Variants in SMURF2 observed in about 807,000 individuals in gnomAD.
SMURF2 encodes E3 ubiquitin-protein ligase SMURF2.
In SMURF2, 48 loss-of-function variants were observed where a neutral mutation model predicts 109.6. That is an observed-to-expected ratio of 0.44 (90% CI 0.35 to 0.56). The LOEUF (loss-of-function observed/expected upper bound fraction) is 0.56, where lower values mean the gene tolerates loss of function less well. SMURF2 is among the 20% of genes least tolerant of loss of function. SMURF2 has a pLI of 0.01. For missense variants in SMURF2, 575 were observed against 909.0 expected (o/e 0.63, Z 4.72); for synonymous variants, 288 against 317.1 (o/e 0.91, Z 0.97).
At chr17:64,562,627 C>T (rs895710791) in intron 11 of SMURF2, 144 bp downstream of exon 11, 4 of 707,192 alleles carry the variant, frequency 5.7e-6, no homozygotes, top group African/African-American at 1.8e-5. Context: ...ATCCGCCCAC[C>T]TCAGCCTCCC....
At chr17:64,598,560 C>T in intron 2 of SMURF2, 70 bp from the exon 3 acceptor site, 3 of 1,249,356 alleles carry the variant, frequency 2.4e-6, no homozygotes, top group South Asian at 1.6e-5. Context: ...ACAAGCATTC[C>T]ATTTGCTACA....
chr17:64,574,489 AGTTT>A (rs1303098765), intron 9 of SMURF2, among the ~76,000 whole-genome samples: 1 of 152,248 alleles, frequency 6.6e-6, no homozygotes, highest in Non-Finnish European at 1.5e-5. Flanking sequence ...CTTTAAATAA[AGTTT>A]GTTTTAAAGA....
chr17:64,636,514 A>G (rs1219575824), intron 1 of SMURF2, among the ~76,000 whole-genome samples: 1 of 151,000 alleles, frequency 6.6e-6, no homozygotes, highest in African/African-American at 2.4e-5. Flanking sequence ...GAGGCAGGAG[A>G]ATCGCTTGAA....
At chr17:64,627,396 G>C (rs1383111872) in intron 1 of SMURF2, among the ~76,000 whole-genome samples, 1 of 152,148 alleles carries the variant, frequency 6.6e-6, no homozygotes, top group African/African-American at 2.4e-5. Context: ...GATTACAGGC[G>C]TTAGCCACTG....
chr17:64,584,361 C>CTTTTTTTTTTTT (rs372682588), intron 6 of SMURF2, among the ~76,000 whole-genome samples: 6 of 112,708 alleles, frequency 5.3e-5, no homozygotes, highest in African/African-American at 1.1e-4. Context: ...CTTTTTTTTT[C>CTTTTTTTTTTTT]TTTTTTTTTT....
intron 8 of SMURF2, among the ~76,000 whole-genome samples, chr17:64,580,286 T>G (rs565083613): frequency 4.6e-5 from 7 of 152,186 alleles, no homozygotes; most frequent in Non-Finnish European, 1.0e-4. Flanking sequence ...TGTAATCATT[T>G]TATACAAACA....
At chr17:64,622,092 A>C (rs1281819832) in intron 1 of SMURF2, among the ~76,000 whole-genome samples, 2 of 149,412 alleles carry the variant, frequency 1.3e-5, no homozygotes, top group Admixed American at 6.7e-5. Flanking sequence ...AAAAATAATA[A>C]ATTTAAAAAA....
intron 1 of SMURF2, among the ~76,000 whole-genome samples, chr17:64,624,826 G>A (rs1432942927): frequency 1.3e-5 from 2 of 151,928 alleles, no homozygotes; most frequent in Non-Finnish European, 2.9e-5. Flanking sequence ...ACAGGGGAGG[G>A]GAGGGAAGGA....
At chr17:64,624,864 G>A (rs1251146148) in intron 1 of SMURF2, among the ~76,000 whole-genome samples, 1 of 152,054 alleles carries the variant, frequency 6.6e-6, no homozygotes, top group Non-Finnish European at 1.5e-5. Context: ...AAATAGTATT[G>A]CCTCAATAAA....
chr17:64,658,906 A>G (rs1175507629), intron 1 of SMURF2, among the ~76,000 whole-genome samples: 1 of 152,226 alleles, frequency 6.6e-6, no homozygotes, highest in African/African-American at 2.4e-5. Flanking sequence ...CAATGATCAT[A>G]TGTTAATGTG....
rs1969239547 is a variant in SMURF2, at chr17:64,562,685, C to T, written c.1212+86G>A. On this transcript the variant is annotated intron_variant, in intron 11 of 18. Coordinates refer to ENST00000262435, the MANE Select transcript of SMURF2 (RefSeq NM_022739.4). The stretch of plus-strand genomic sequence containing the variant: ...GAGCCACCGCACCCGGCCAATTTCT[C>T]TCTAATTTAAAATAAGGTTTGTATT... 5.8e-6 allele frequency: 8 copies of T among 1,373,874 alleles called. No individual in the cohort carries two copies. The South Asian group carries it at 9.5e-5, about 16-fold the overall frequency. The allele number at this position is 1,373,874 out of a possible 1,614,324, so 85.1% of individuals were successfully genotyped here. A position where few individuals can be genotyped will look rare whatever the true frequency, so the allele number is the denominator to read the frequency against.
intron 1 of SMURF2, among the ~76,000 whole-genome samples, chr17:64,608,039 A>AATC (rs1568193535): frequency 6.7e-6 from 1 of 149,458 alleles, no homozygotes; most frequent in African/African-American, 2.5e-5. Context: ...ATAAATAAAT[A>AATC]AATAAATCTG....
intron 9 of SMURF2, among the ~76,000 whole-genome samples, chr17:64,575,345 T>C (rs1598278318): frequency 6.6e-6 from 1 of 151,508 alleles, no homozygotes; most frequent in African/African-American, 2.4e-5. Context: ...TAGAGACGGG[T>C]TTTCACCATG....
intron 1 of SMURF2, among the ~76,000 whole-genome samples, chr17:64,612,196 A>G (rs990224384): frequency 1.3e-5 from 2 of 152,166 alleles, no homozygotes; most frequent in African/African-American, 4.8e-5. Context: ...AACTCCATAC[A>G]GCACGAATCA....
At chr17:64,636,786 GAAA>G (rs375959882) in intron 1 of SMURF2, among the ~76,000 whole-genome samples, 1 of 118,624 alleles carries the variant, frequency 8.4e-6, no homozygotes, top group African/African-American at 3.0e-5. Flanking sequence ...CTCAAAAAAA[GAAA>G]AAAAAAAAAA....
At chr17:64,582,358 G>A (rs1281580221) in intron 7 of SMURF2, among the ~76,000 whole-genome samples, 1 of 152,178 alleles carries the variant, frequency 6.6e-6, no homozygotes, top group African/African-American at 2.4e-5. Context: ...ACAAAACACT[G>A]CACAAGATGG....
At chr17:64,573,080 C>G (rs1555685708) in intron 9 of SMURF2, 2 of 142,820 alleles carry the variant, frequency 1.4e-5, no homozygotes, top group Non-Finnish European at 3.0e-5. Context: ...ACTCAAGCAT[C>G]TAGATAGTAA....
intron 5 of SMURF2, among the ~76,000 whole-genome samples, chr17:64,586,837 A>C (rs1969667607): frequency 1.3e-5 from 2 of 151,142 alleles, no homozygotes; most frequent in Admixed American, 1.3e-4. Flanking sequence ...AGTCCATATT[A>C]ATTTGACTTT....
chr17:64,584,211 G>A (rs1359703460), intron 6 of SMURF2, among the ~76,000 whole-genome samples: 3 of 150,808 alleles, frequency 2.0e-5, no homozygotes, highest in South Asian at 2.1e-4. Flanking sequence ...CCAGCTACTC[G>A]GGAGGTTGAG....
Sources: allele counts gnomAD v4.1 joint callset (sites outside exome capture counted in the v4.1 genomes callset), GRCh38; gene constraint gnomAD v4.1.1; transcripts MANE v1.5; gene names NCBI Gene and HGNC (gene_info 2026-07-23, HGNC 2026-07-21).